Variants in DCDC2 observed in about 807,000 individuals in gnomAD.
DCDC2 encodes doublecortin domain containing 2, also known as doublecortin domain-containing protein 2.
A neutral mutation model predicts 50.2 loss-of-function variants in DCDC2; 40 were observed. The observed-to-expected ratio is 0.80, with a 90% CI of 0.62 to 1.04. The LOEUF is 1.04. DCDC2 is among the 50% of genes least tolerant of loss of function. The probability of loss-of-function intolerance (pLI) is 0.00; values close to 1 mark genes in which losing one functional copy is unlikely to be tolerated. For synonymous variants in DCDC2, 234 were observed against 210.6 expected (o/e 1.11, Z -0.96); for missense variants, 570 against 581.9 (o/e 0.98, Z 0.21).
intron 7 of DCDC2, among the ~76,000 whole-genome samples, chr6:24,220,879 A>AGAGCGAGCGAGCGAGCGAGC (rs111880904): frequency 9.3e-6 from 1 of 106,978 alleles, no homozygotes; most frequent in Non-Finnish European, 1.8e-5. Flanking sequence ...CAAGAGAGCG[A>AGAGCGAGCGAGCGAGCGAGC]GAGCGAGAGA....
At chr6:24,279,776 TTAAC>T (rs1178244318) in intron 6 of DCDC2, among the ~76,000 whole-genome samples, 1 of 151,726 alleles carries the variant, frequency 6.6e-6, no homozygotes, top group Non-Finnish European at 1.5e-5. Context: ...GGACCATGCC[TTAAC>T]TAACTCTTAA....
intron 2 of DCDC2, among the ~76,000 whole-genome samples, chr6:24,342,523 C>T (rs1760178607): frequency 1.3e-5 from 2 of 152,116 alleles, no homozygotes; most frequent in South Asian, 2.1e-4. Flanking sequence ...GCTCTGACCC[C>T]GAAAACCTTA....
chr6:24,281,941 A>T (rs906409070), intron 6 of DCDC2, among the ~76,000 whole-genome samples: 3 of 152,204 alleles, frequency 2.0e-5, no homozygotes, highest in African/African-American at 4.8e-5. Context: ...TTTCTACTAC[A>T]CTGAAACTTT....
chr6:24,354,185 A>G (rs1237899466), intron 1 of DCDC2, among the ~76,000 whole-genome samples: 2 of 152,086 alleles, frequency 1.3e-5, no homozygotes. Context: ...TTCCATTACT[A>G]TTTGCTCTAG....
At position 24,211,786 on chromosome 6, in the gene DCDC2, C is replaced by T. The variant is rs114565856; in HGVS notation, c.923-6684G>A. ...AGACCTGATGACAGCTTGGTTGTAA[C>T]CCAGTAAGGCCCATTTTGGAATTCT... On this transcript the variant is annotated intron_variant, in intron 7 of 9. Transcript: ENST00000378454. Among the ~76,000 whole-genome samples the T allele has an allele frequency of 4.1e-3, 620 of 152,252 alleles. 4 individuals are homozygous for T. The highest frequency in any genetic ancestry group is 0.014 in the African/African-American group (564 of 41,554).
At chr6:24,194,214 C>A (rs1581578985) in intron 8 of DCDC2, among the ~76,000 whole-genome samples, 3 of 152,120 alleles carry the variant, frequency 2.0e-5, no homozygotes, top group African/African-American at 7.2e-5. Flanking sequence ...TTGTTACAAT[C>A]TTTGTTGAAC....
intron 7 of DCDC2, among the ~76,000 whole-genome samples, chr6:24,232,975 G>A (rs1679598965): frequency 6.6e-6 from 1 of 152,174 alleles, no homozygotes; most frequent in Admixed American, 6.5e-5. Flanking sequence ...TCTGAAGCAT[G>A]ATAGGCAATG....
chr6:24,208,249 G>C (rs1010680179), intron 7 of DCDC2, among the ~76,000 whole-genome samples: 5 of 151,764 alleles, frequency 3.3e-5, no homozygotes, highest in Middle Eastern at 3.4e-3. Context: ...CCCAACAGCA[G>C]ACTTACTCAT....
intron 7 of DCDC2, among the ~76,000 whole-genome samples, chr6:24,253,952 CTCTT>C (rs1176360053): frequency 6.6e-6 from 1 of 152,172 alleles, no homozygotes; most frequent in African/African-American, 2.4e-5. Flanking sequence ...TTTAACTTGA[CTCTT>C]TCATAACAAA....
intron 8 of DCDC2, among the ~76,000 whole-genome samples, chr6:24,194,479 T>C (rs1156378746): frequency 6.6e-6 from 1 of 152,158 alleles, no homozygotes; most frequent in Non-Finnish European, 1.5e-5. Flanking sequence ...AGTTACTATC[T>C]CCATCTTCCA....
At chr6:24,342,894 C>T (rs940364268) in intron 2 of DCDC2, among the ~76,000 whole-genome samples, 12 of 152,092 alleles carry the variant, frequency 7.9e-5, no homozygotes, top group African/African-American at 2.7e-4. Flanking sequence ...TCTGATATTA[C>T]TTTCCAACAT....
chr6:24,231,770 G>A (rs1465424369), intron 7 of DCDC2, among the ~76,000 whole-genome samples: 1 of 151,752 alleles, frequency 6.6e-6, no homozygotes, highest in Non-Finnish European at 1.5e-5. Context: ...GCAGAGACAC[G>A]ATGTGATGGA....
intron 2 of DCDC2, among the ~76,000 whole-genome samples, chr6:24,320,683 A>T (rs1285059382): frequency 6.6e-6 from 1 of 152,196 alleles, no homozygotes; most frequent in Non-Finnish European, 1.5e-5. Context: ...CATAATAGAT[A>T]CAGAATAGAT....
intron 2 of DCDC2, among the ~76,000 whole-genome samples, chr6:24,339,072 G>A (rs760198674): frequency 1.1e-4 from 16 of 152,050 alleles, no homozygotes; most frequent in Non-Finnish European, 2.2e-4. Flanking sequence ...CTCTTCCCGT[G>A]ATTCAGCCAA....
intron 8 of DCDC2, among the ~76,000 whole-genome samples, chr6:24,183,239 A>C (rs1012392622): frequency 6.6e-6 from 1 of 152,196 alleles, no homozygotes. Flanking sequence ...CAACATTATG[A>C]ATGTGTTTCA....
intron 7 of DCDC2, among the ~76,000 whole-genome samples, chr6:24,234,435 G>T (rs753050943): frequency 3.9e-5 from 6 of 152,166 alleles, no homozygotes; most frequent in Non-Finnish European, 7.3e-5. Flanking sequence ...CACACAGTCA[G>T]ATTTTGTTTG....
chr6:24,254,751 A>C (rs1044054853), intron 7 of DCDC2, among the ~76,000 whole-genome samples: 3 of 152,194 alleles, frequency 2.0e-5, no homozygotes, highest in Non-Finnish European at 4.4e-5. Flanking sequence ...CAGATATCAA[A>C]AAAATAAAAT....
intron 8 of DCDC2, among the ~76,000 whole-genome samples, chr6:24,188,378 A>G (rs575690063): frequency 6.8e-6 from 1 of 147,670 alleles, no homozygotes; most frequent in Admixed American, 6.7e-5. Flanking sequence ...CAATTTACTG[A>G]AAGTTGGAAG....
At chr6:24,188,889 C>T (rs1761258264) in intron 8 of DCDC2, among the ~76,000 whole-genome samples, 1 of 152,070 alleles carries the variant, frequency 6.6e-6, no homozygotes, top group African/African-American at 2.4e-5. Flanking sequence ...CACAGCCTCT[C>T]TGGCACGCAT....
Sources: allele counts gnomAD v4.1 joint callset (sites outside exome capture counted in the v4.1 genomes callset), GRCh38; gene constraint gnomAD v4.1.1; transcripts MANE v1.5; gene names NCBI Gene and HGNC (gene_info 2026-07-23, HGNC 2026-07-21).